The following THADA variants were observed in gnomAD, a reference collection of about 807,000 sequenced individuals.
THADA encodes THADA armadillo repeat containing.
A neutral mutation model predicts 219.8 loss-of-function variants in THADA; 213 were observed. The ratio of observed to expected loss-of-function variants is 0.97; its 90% CI spans 0.87 to 1.09. The LOEUF (loss-of-function observed/expected upper bound fraction) is 1.09, where lower values mean the gene tolerates loss of function less well. THADA is among the 50% of genes least tolerant of loss of function. The pLI is 0.00. For synonymous variants in THADA, 1,018 were observed against 828.9 expected, an observed-to-expected ratio of 1.23 and a Z score of -3.92; for missense variants, 2,956 against 2,311.3, an observed-to-expected ratio of 1.28 and a Z score of -5.72.
chr2:43,408,434 T>C (rs1469344210), intron 28 of THADA: 1 of 152,190 alleles, frequency 6.6e-6, no homozygotes, highest in Non-Finnish European at 1.5e-5. Flanking sequence ...TCTTCAACAT[T>C]ACTAATGACA....
chr2:43,496,717 A>G (rs957468943), intron 25 of THADA, among the ~76,000 whole-genome samples: 2 of 152,154 alleles, frequency 1.3e-5, no homozygotes, highest in African/African-American at 4.8e-5. Context: ...GAACTTGTGC[A>G]TGGCTGATGG....
chr2:43,589,525 C>G (rs953010210), intron 4 of THADA, among the ~76,000 whole-genome samples: 1 of 152,128 alleles, frequency 6.6e-6, no homozygotes, highest in African/African-American at 2.4e-5. Flanking sequence ...TTCTAGAGAT[C>G]ATTGCACTGC....
intron 33 of THADA, 52 bp from the exon 34 acceptor site, chr2:43,291,820 T>C: frequency 6.9e-7 from 1 of 1,459,052 alleles, no homozygotes; most frequent in Non-Finnish European, 9.3e-7. Flanking sequence ...TCAGACATAT[T>C]TCATACACCG....
At chr2:43,568,935 G>A (rs1293593190) in intron 14 of THADA, among the ~76,000 whole-genome samples, 2 of 151,920 alleles carry the variant, frequency 1.3e-5, no homozygotes, top group Non-Finnish European at 2.9e-5. Flanking sequence ...CACACTGGGG[G>A]CTTCAATATA....
intron 22 of THADA, among the ~76,000 whole-genome samples, chr2:43,509,601 T>A (rs185962511): frequency 6.6e-6 from 1 of 152,288 alleles, no homozygotes; most frequent in East Asian, 1.9e-4. Flanking sequence ...GATAACTGAT[T>A]TCCAATTTAC....
intron 26 of THADA, among the ~76,000 whole-genome samples, chr2:43,466,223 C>T (rs141506467): frequency 1.6e-3 from 243 of 152,282 alleles, no homozygotes; most frequent in Admixed American, 2.7e-3. Flanking sequence ...AATGAGTAGT[C>T]AATGCTACGA....
intron 29 of THADA, among the ~76,000 whole-genome samples, chr2:43,394,914 C>G (rs113357846): frequency 6.6e-6 from 1 of 152,224 alleles, no homozygotes; most frequent in South Asian, 2.1e-4. Flanking sequence ...ACAAGAGCAA[C>G]AGCCACAACA....
chr2:43,291,669 C>T, intron 34 of THADA, 27 bp downstream of exon 34: 1 of 1,506,524 alleles, frequency 6.6e-7, no homozygotes, highest in South Asian at 1.3e-5. Flanking sequence ...ATCCTAGGTC[C>T]CGGAACAAGA....
intron 21 of THADA, among the ~76,000 whole-genome samples, chr2:43,535,699 A>AAAAAAAAAAAAC (rs1694504751): frequency 6.7e-6 from 1 of 149,492 alleles, no homozygotes; most frequent in African/African-American, 2.5e-5. Flanking sequence ...AAAAAAAAAA[A>AAAAAAAAAAAAC]AGAAAAAATC....
chr2:43,273,528 C>G (rs1176498765), intron 36 of THADA, among the ~76,000 whole-genome samples: 2 of 152,154 alleles, frequency 1.3e-5, no homozygotes, highest in Non-Finnish European at 2.9e-5. Context: ...AAAGAGCCTA[C>G]TGGAAGGCAG....
rs545310413 is a variant in THADA at position 43,379,069 on chromosome 2, T to C, written c.4227+18902A>G. The stretch of plus-strand genomic sequence containing the variant: ...AATTGGTTAAATATGTTAGCAAGCA[T>C]AAATACTGAGTGTAAAATAATAAAA... On this transcript the variant is annotated intron_variant, in intron 29 of 37. Coordinates refer to ENST00000405975, the MANE Select transcript of THADA (RefSeq NM_022065.5). Among the ~76,000 whole-genome samples, 4 of 152,198 alleles carry C rather than the reference T, an allele frequency of 2.6e-5. No individual in the cohort carries two copies. In the South Asian group the frequency reaches 6.2e-4, roughly 24 times the overall value.
intron 30 of THADA, among the ~76,000 whole-genome samples, chr2:43,341,124 C>G (rs1452935500): frequency 6.6e-6 from 1 of 152,166 alleles, no homozygotes; most frequent in Non-Finnish European, 1.5e-5. Context: ...CTGATTAACA[C>G]TTGTAAAAGT....
intron 8 of THADA, 42 bp downstream of exon 8, chr2:43,581,699 C>A (rs770436930): frequency 6.6e-7 from 1 of 1,518,272 alleles, no homozygotes; most frequent in South Asian, 1.2e-5. Context: ...TCAATTTTAA[C>A]TGTCAATTAT....
intron 35 of THADA, among the ~76,000 whole-genome samples, chr2:43,282,300 C>T (rs1477187046): frequency 6.6e-6 from 1 of 152,196 alleles, no homozygotes; most frequent in Non-Finnish European, 1.5e-5. Flanking sequence ...TTCTCAATGT[C>T]TCTCTGGCTG....
intron 36 of THADA, among the ~76,000 whole-genome samples, chr2:43,261,973 C>T (rs1671007315): frequency 6.6e-6 from 1 of 151,666 alleles, no homozygotes; most frequent in Non-Finnish European, 1.5e-5. Context: ...GGCTTTGCCA[C>T]GTTAGCAAGG....
intron 37 of THADA, 103 bp from the exon 38 acceptor site, chr2:43,231,446 C>T (rs1354183309): frequency 5.4e-5 from 67 of 1,233,898 alleles, no homozygotes; most frequent in Non-Finnish European, 7.3e-5. Context: ...GGTTTCCCTT[C>T]CCCCACCTGA....
intron 26 of THADA, among the ~76,000 whole-genome samples, chr2:43,439,651 T>C (rs1402684580): frequency 2.0e-5 from 3 of 152,232 alleles, no homozygotes; most frequent in African/African-American, 4.8e-5. Flanking sequence ...GTTATTGTTG[T>C]TAATCTCTAA....
In THADA at chr2:43,320,440, T is replaced by G. The variant is rs368994452; in HGVS notation, c.4438+6A>C. ...TTCCAAAATACAGTATAACTATGAA[T>G]CATACCTGGCTGGTTGTCCTTTGCA... On this transcript the variant is annotated splice_donor_region_variant and intron_variant, in intron 31 of 37. Coordinates refer to ENST00000405975, the MANE Select transcript of THADA (RefSeq NM_022065.5). 6.2e-7 allele frequency: 1 copy of G among 1,606,536 alleles called. No individual in the cohort carries two copies. Among genetic ancestry groups the G allele is most frequent in the Non-Finnish European group, 8.5e-7 (1 of 1,175,100 alleles).
intron 29 of THADA, among the ~76,000 whole-genome samples, chr2:43,393,810 A>C (rs1490632219): frequency 1.3e-5 from 2 of 152,226 alleles, no homozygotes; most frequent in African/African-American, 2.4e-5. Context: ...CAAGAAATGA[A>C]AAAACTGAAA....
Sources: allele counts gnomAD v4.1 joint callset (sites outside exome capture counted in the v4.1 genomes callset), GRCh38; gene constraint gnomAD v4.1.1; transcripts MANE v1.5; gene names NCBI Gene and HGNC (gene_info 2026-07-23, HGNC 2026-07-21).